Variants in KSR2 observed in about 807,000 individuals in gnomAD.
KSR2 encodes the protein kinase suppressor of ras 2.
KSR2 carries 25 observed loss-of-function variants against 107.8 expected under a neutral mutation model. The ratio of observed to expected loss-of-function variants is 0.23; its 90% CI spans 0.17 to 0.32. The LOEUF is 0.32. Ranked by LOEUF, KSR2 falls within the 10% of genes least tolerant of loss-of-function variation. The probability of loss-of-function intolerance (pLI) is 1.00; values close to 1 mark genes in which losing one functional copy is unlikely to be tolerated. For synonymous variants in KSR2, 480 were observed against 507.0 expected, an observed-to-expected ratio of 0.95 and a Z score of 0.71; for missense variants, 887 against 1,268.9, an observed-to-expected ratio of 0.70 and a Z score of 4.57.
intron 3 of KSR2, among the ~76,000 whole-genome samples, chr12:117,786,585 G>A (rs1483707563): frequency 6.6e-6 from 1 of 152,172 alleles, no homozygotes; most frequent in Non-Finnish European, 1.5e-5. Context: ...GGAGGCCGAG[G>A]CAGGCAGATC....
intron 4 of KSR2, among the ~76,000 whole-genome samples, chr12:117,676,919 G>GAAGGGATAAAT (rs1466654763): frequency 2.0e-5 from 3 of 152,208 alleles, no homozygotes; most frequent in Non-Finnish European, 4.4e-5. Flanking sequence ...ATCAATAGTG[G>GAAGGGATAAAT]AAGGGATAAA....
chr12:117,679,893 G>A (rs1717167351), intron 4 of KSR2, among the ~76,000 whole-genome samples: 2 of 152,252 alleles, frequency 1.3e-5, no homozygotes, highest in South Asian at 2.1e-4. Context: ...CCACAGTCAT[G>A]CCTACTCATT....
chr12:117,696,222 G>C (rs1886054284), intron 4 of KSR2, among the ~76,000 whole-genome samples: 2 of 152,116 alleles, frequency 1.3e-5, no homozygotes, highest in South Asian at 4.1e-4. Flanking sequence ...GAGGCTGCTG[G>C]GCCCCGGCTT....
intron 14 of KSR2, among the ~76,000 whole-genome samples, chr12:117,486,756 T>C (rs1872488855): frequency 6.6e-6 from 1 of 152,206 alleles, no homozygotes; most frequent in Non-Finnish European, 1.5e-5. Context: ...CCTTACTTAC[T>C]GTATGTCTTG....
intron 5 of KSR2, among the ~76,000 whole-genome samples, chr12:117,601,287 C>A (rs1396425346): frequency 1.7e-5 from 1 of 60,194 alleles, no homozygotes; most frequent in African/African-American, 7.3e-5. Context: ...GTTTAGAATC[C>A]AAGATCTTGG....
intron 5 of KSR2, among the ~76,000 whole-genome samples, chr12:117,619,385 C>T (rs988688272): frequency 1.3e-5 from 2 of 151,840 alleles, no homozygotes; most frequent in Admixed American, 6.6e-5. Context: ...CAACAGGCCC[C>T]AGTGTGTGAT....
chr12:117,693,947 A>G (rs1397965093), intron 4 of KSR2, among the ~76,000 whole-genome samples: 1 of 152,162 alleles, frequency 6.6e-6, no homozygotes, highest in East Asian at 1.9e-4. Flanking sequence ...CTTTCTTCCA[A>G]TTCCATATTC....
intron 7 of KSR2, 88 bp from the exon 8 acceptor site, chr12:117,558,661 G>A: frequency 1.0e-5 from 9 of 894,046 alleles, no homozygotes; most frequent in Non-Finnish European, 1.7e-5. Flanking sequence ...ATGGATGGGT[G>A]GATGGGTGGA....
At chr12:117,717,191 CTT>C (rs1887018949) in intron 4 of KSR2, among the ~76,000 whole-genome samples, 1 of 152,204 alleles carries the variant, frequency 6.6e-6, no homozygotes, top group African/African-American at 2.4e-5. Context: ...ACATACTCCT[CTT>C]GTCTTATAAT....
intron 1 of KSR2, among the ~76,000 whole-genome samples, chr12:117,874,337 A>G (rs2137296160): frequency 6.6e-6 from 1 of 152,142 alleles, no homozygotes; most frequent in Admixed American, 6.5e-5. Flanking sequence ...AACTCAAGCA[A>G]TCCTCCCACC....
At chr12:117,701,294 T>C (rs1019552821) in intron 4 of KSR2, among the ~76,000 whole-genome samples, 2 of 152,164 alleles carry the variant, frequency 1.3e-5, no homozygotes, top group Admixed American at 6.5e-5. Flanking sequence ...TGTTTCATCA[T>C]GTTGGCCAGG....
chr12:117,847,780 G>C (rs1407380425), intron 3 of KSR2, among the ~76,000 whole-genome samples: 3 of 152,108 alleles, frequency 2.0e-5, no homozygotes, highest in Non-Finnish European at 4.4e-5. Context: ...CTGTGCCTGG[G>C]ATGCTCCCCT....
rs1004520187 is a variant in KSR2, at chr12:117,461,771, G to A, written c.*5428C>T. ...CAGGTGAGGGTGAGGTGGTACGGGA[G>A]GAGGTGAGGCTGGGAGCCAGGGAGA... On this transcript the variant is annotated 3_prime_UTR_variant, in exon 20 of 20. Coordinates refer to ENST00000339824, the MANE Select transcript of KSR2 (RefSeq NM_173598.6). The A allele has an allele frequency of 2.0e-5, 3 of 153,106 alleles. No individual in the cohort carries two copies. The highest frequency in any genetic ancestry group is 7.2e-5 in the African/African-American group (3 of 41,452). The allele number at this position is 153,106 out of a possible 1,614,324, so 9.5% of individuals were successfully genotyped here. A position where few individuals can be genotyped will look rare whatever the true frequency, so the allele number is the denominator to read the frequency against.
rs527383104 is a variant in KSR2 at position 117,899,354 on chromosome 12, G to A, written c.181-38923C>T. On this transcript the variant is annotated intron_variant, in intron 1 of 19. Transcript: ENST00000339824. ...CAAAAATAAAAAAAATTAGCCAGGCGTGGTGGCACATACCTGTAGTCCCAG... is the reference window on the plus strand; with the variant it reads ...CAAAAATAAAAAAAATTAGCCAGGCATGGTGGCACATACCTGTAGTCCCAG... 4.6e-5 allele frequency among the ~76,000 whole-genome samples: 7 copies of A among 152,092 alleles called. No individual in the cohort carries two copies. The East Asian group carries it at 7.7e-4, about 17-fold the overall frequency.
At chr12:117,603,668 A>G (rs1266700405) in intron 5 of KSR2, among the ~76,000 whole-genome samples, 1 of 152,222 alleles carries the variant, frequency 6.6e-6, no homozygotes, top group East Asian at 1.9e-4. Flanking sequence ...ACTTGGCCAA[A>G]AGGGGCAAAA....
At chr12:117,910,903 G>A (rs959491607) in intron 1 of KSR2, among the ~76,000 whole-genome samples, 2 of 152,214 alleles carry the variant, frequency 1.3e-5, no homozygotes, top group South Asian at 4.2e-4. Context: ...ACAGTTCGGT[G>A]CCTCCCAACT....
At chr12:117,789,910 C>T (rs1441839611) in intron 3 of KSR2, among the ~76,000 whole-genome samples, 1 of 152,194 alleles carries the variant, frequency 6.6e-6, no homozygotes, top group African/African-American at 2.4e-5. Flanking sequence ...ACACACACAG[C>T]ATGTCTTGCT....
intron 5 of KSR2, among the ~76,000 whole-genome samples, chr12:117,654,717 A>G (rs1477781043): frequency 6.6e-6 from 1 of 152,218 alleles, no homozygotes; most frequent in Non-Finnish European, 1.5e-5. Flanking sequence ...GGGAAGAGGT[A>G]TGTGGATGGA....
chr12:117,939,011 A>G (rs2137526940), intron 1 of KSR2, among the ~76,000 whole-genome samples: 1 of 152,248 alleles, frequency 6.6e-6, no homozygotes, highest in South Asian at 2.1e-4. Context: ...AAAAAAGGAA[A>G]GTAAATAGAC....
Sources: allele counts gnomAD v4.1 joint callset (sites outside exome capture counted in the v4.1 genomes callset), GRCh38; gene constraint gnomAD v4.1.1; transcripts MANE v1.5; gene names NCBI Gene and HGNC (gene_info 2026-07-23, HGNC 2026-07-21).